Variants in NUGGC observed in about 807,000 individuals in gnomAD.
NUGGC encodes nuclear GTPase SLIP-GC.
A neutral mutation model predicts 92.6 loss-of-function variants in NUGGC; 58 were observed. The observed-to-expected ratio is 0.63, with a 90% confidence interval of 0.51 to 0.78. The LOEUF (loss-of-function observed/expected upper bound fraction) is 0.78. Ranked by LOEUF, NUGGC falls within the 30% of genes least tolerant of loss-of-function variation. NUGGC has a pLI of 0.00. For missense variants in NUGGC, 925 were observed against 964.6 expected (o/e 0.96, Z 0.54); for synonymous variants, 376 against 366.4 (o/e 1.03, Z -0.30).
chr8:28,069,615 G>T lies in NUGGC; in HGVS notation c.186C>A (p.Ser62Arg). The T allele has an allele frequency of 1.2e-6, 2 of 1,611,486 alleles. No homozygotes were observed. Among genetic ancestry groups the T allele is most frequent in the South Asian group, 2.2e-5 (2 of 91,016 alleles). Residue 62 changes from serine (S) to arginine (R), a missense_variant, in exon 4 of 19, where the codon AGC (serine) becomes AGA (arginine). Transcript: ENST00000413272. ...KLESRTRRVLSNTYQKLIQSV... is the reference protein window; with the variant it reads ...KLESRTRRVLRNTYQKLIQSV... ...ACTGAATAAGTTTCTGATAAGTGTT[G>T]CTCAAAACCCTTCTGGTCCGTGATT... is the stretch of plus-strand genomic sequence containing the variant.
intron 17 of NUGGC, among the ~76,000 whole-genome samples, chr8:28,027,402 G>T (rs1311437945): frequency 6.6e-6 from 1 of 152,168 alleles, no homozygotes; most frequent in Admixed American, 6.5e-5. Context: ...GAAAAAGAGG[G>T]AAAGAGCTGG....
chr8:28,067,435 A>G, intron 6 of NUGGC, 79 bp downstream of exon 6: 1 of 892,692 alleles, frequency 1.1e-6, no homozygotes, highest in Non-Finnish European at 1.8e-6. Context: ...CTGTACCACA[A>G]GCCCATCCCC....
intron 17 of NUGGC, among the ~76,000 whole-genome samples, chr8:28,028,355 A>G (rs541516212): frequency 6.6e-6 from 1 of 152,342 alleles, no homozygotes; most frequent in African/African-American, 2.4e-5. Context: ...AGCCTACTCC[A>G]AGGGGAATTA....
rs370355333 is a variant in NUGGC at position 28,059,364 on chromosome 8, G to A, written c.1097+1062C>T. On this transcript the variant is annotated intron_variant, in intron 8 of 18. Coordinates refer to ENST00000413272, the MANE Select transcript of NUGGC (RefSeq NM_001010906.2). ...GTCCCAATATAGAAGGTTAGTTATA[G>A]TCTTCCTAACTATAGGGACAACAGA... 5.3e-5 allele frequency among the ~76,000 whole-genome samples: 8 copies of A among 152,272 alleles called. No homozygotes were observed. In the South Asian group the frequency reaches 1.7e-3, roughly 32 times the overall value.
chr8:28,038,241 C>G lies in NUGGC; in HGVS notation c.1611+2810G>C, dbSNP rs144135973. ...CTCCCTTCTCTAAACATTTGGAGAA[C>G]TTTCTGACTGTCTTGTGGTCCTCAC... On this transcript the variant is annotated intron_variant, in intron 13 of 18. Transcript: ENST00000413272. Among the ~76,000 whole-genome samples the G allele has an allele frequency of 3.5e-3, 528 of 152,312 alleles. 2 individuals carry two copies. Among genetic ancestry groups the G allele is most frequent in the African/African-American group, 0.012 (507 of 41,546 alleles).
At position 28,060,439 on chromosome 8, in the gene NUGGC, G is replaced by A. The variant is rs532584664; in HGVS notation, c.1084C>T (p.Pro362Ser). 1.2e-6 allele frequency: 2 copies of A among 1,613,654 alleles called. 1 individual carries two copies. Among genetic ancestry groups the A allele is most frequent in the South Asian group, 2.2e-5 (2 of 91,012 alleles). The change falls in exon 8 of 19, where the codon CCA becomes TCA. Residue 362 changes from proline (P) to serine (S), a missense_variant. Physicochemically the swap from Pro to Ser is moderately conservative, Grantham distance 74. Coordinates refer to ENST00000413272, the MANE Select transcript of NUGGC (RefSeq NM_001010906.2). ...VVTKMDKLHLPEYLRERKAGN... is the reference protein window; with the variant it reads ...VVTKMDKLHLSEYLRERKAGN... ...CCAGCACAATACCTTAGGTATTCTG[G>A]CAAGTGGAGTTTGTCCATCTTGGTG...
chr8:28,061,789 G>T (rs568790451), intron 7 of NUGGC, among the ~76,000 whole-genome samples: 24 of 152,124 alleles, frequency 1.6e-4, no homozygotes, highest in South Asian at 6.2e-4. Context: ...TGACAACCTT[G>T]GGGGGGTACT....
At chr8:28,052,651 G>A (rs12549217) in intron 10 of NUGGC, among the ~76,000 whole-genome samples, 31,034 of 152,050 alleles carry the variant, frequency 0.2, 3,787 homozygotes, top group East Asian at 0.45. Context: ...CTTGATTTTG[G>A]ACTTCCAGCC....
chr8:28,079,979 G>A (rs930288532), intron 1 of NUGGC, among the ~76,000 whole-genome samples: 18 of 151,762 alleles, frequency 1.2e-4, no homozygotes, highest in African/African-American at 3.6e-4. Context: ...TTGCTCTATC[G>A]CCCAGGCTGG....
chr8:28,075,335 C>T lies in NUGGC; in HGVS notation c.-46-879G>A, dbSNP rs191595692. 2.7e-5 allele frequency among the ~76,000 whole-genome samples: 4 copies of T among 146,370 alleles called. No homozygotes were observed. The East Asian group carries it at 9.1e-4, about 33-fold the overall frequency. ...ATCTGCAGGAGGGAGAGGAGAGGCACATCCAAAAGAAGAAGGGGCAGATCC... is the reference window on the plus strand; with the variant it reads ...ATCTGCAGGAGGGAGAGGAGAGGCATATCCAAAAGAAGAAGGGGCAGATCC... On this transcript the variant is annotated intron_variant, in intron 1 of 18. Coordinates refer to ENST00000413272, the MANE Select transcript of NUGGC (RefSeq NM_001010906.2).
At chr8:28,055,537 T>C (rs1810111060) in intron 10 of NUGGC, among the ~76,000 whole-genome samples, 1 of 152,132 alleles carries the variant, frequency 6.6e-6, no homozygotes, top group African/African-American at 2.4e-5. Context: ...ACTGAAGCAG[T>C]AGGACTGAGT....
At chr8:28,052,197 A>G (rs916400227) in intron 10 of NUGGC, among the ~76,000 whole-genome samples, 12 of 152,198 alleles carry the variant, frequency 7.9e-5, no homozygotes, top group Admixed American at 5.2e-4. Flanking sequence ...ATGTGACTAC[A>G]GCTTATCAAT....
chr8:28,045,447 T>A, intron 12 of NUGGC, 80 bp downstream of exon 12: 1 of 1,364,746 alleles, frequency 7.3e-7, no homozygotes, highest in Non-Finnish European at 1.0e-6. Flanking sequence ...AAAAATATCA[T>A]AAGTTAATTT....
At chr8:28,062,652 C>T (rs1440161634) in intron 7 of NUGGC, among the ~76,000 whole-genome samples, 1 of 152,144 alleles carries the variant, frequency 6.6e-6, no homozygotes, top group African/African-American at 2.4e-5. Context: ...CAGCTTCCAG[C>T]TCTGTAGTGT....
rs1480806958 is a variant in NUGGC at position 28,047,468 on chromosome 8, G to C, written c.1312+39C>G. The C allele has an allele frequency of 2.3e-6, 3 of 1,285,782 alleles. No homozygotes were observed. The African/African-American group carries it at 4.5e-5, about 19-fold the overall frequency. 79.6% of individuals were successfully genotyped at this position (1,285,782 alleles called of 1,614,324 possible). ...AATTCGAAGTGCCAAGCTTGATCTT[G>C]AGAATTTTAGTGATGGAGATTTAAA... On this transcript the variant is annotated intron_variant, in intron 11 of 18. Coordinates refer to ENST00000413272, the MANE Select transcript of NUGGC (RefSeq NM_001010906.2).
chr8:28,047,775 A>G (rs1462230516), intron 10 of NUGGC, among the ~76,000 whole-genome samples, 163 bp from the exon 11 acceptor site: 3 of 152,248 alleles, frequency 2.0e-5, no homozygotes, highest in Non-Finnish European at 2.9e-5. Flanking sequence ...TGGTGTTGCC[A>G]TCTGTCCACT....
Position 28,023,307 on chromosome 8 carries a change from G to C in NUGGC, c.*10C>G, listed in dbSNP as rs1187404666. On this transcript the variant is annotated 3_prime_UTR_variant, in exon 19 of 19. Transcript: ENST00000413272. ...CTGATTTTTCATCCATTGGGACTAA[G>C]CCCCAGGAGTTACAGTGATGTCCCG... 1 of 1,610,520 alleles carries C rather than the reference G, an allele frequency of 6.2e-7. No homozygotes were observed.
At chr8:28,068,169 G>T in intron 5 of NUGGC, 47 bp downstream of exon 5, 1 of 1,188,808 alleles carries the variant, frequency 8.4e-7, no homozygotes. Flanking sequence ...AAGAAAGGAA[G>T]GAAAAAGGAA....
At chr8:28,073,942 G>C (rs533548777) in intron 2 of NUGGC, among the ~76,000 whole-genome samples, 1 of 152,100 alleles carries the variant, frequency 6.6e-6, no homozygotes, top group East Asian at 1.9e-4. Flanking sequence ...GGGACTACAG[G>C]CACACACCAC....
Sources: allele counts gnomAD v4.1 joint callset (sites outside exome capture counted in the v4.1 genomes callset), GRCh38; gene constraint gnomAD v4.1.1; transcripts MANE v1.5; gene names NCBI Gene and HGNC (gene_info 2026-07-23, HGNC 2026-07-21).